TANC2: variants seen among roughly 807,000 people sequenced by gnomAD.
The protein encoded by TANC2 is tetratricopeptide repeat, ankyrin repeat and coiled-coil containing 2, also known as protein TANC2.
Under a neutral mutation model 210.5 loss-of-function variants are expected in TANC2, and 26 were observed. The ratio of observed to expected loss-of-function variants is 0.12; its 90% CI spans 0.09 to 0.17. The LOEUF is 0.17. Among genes scored for constraint, TANC2 ranks in the 10% least tolerant of loss-of-function variants. TANC2 has a pLI of 1.00. For synonymous variants in TANC2, 931 were observed against 967.1 expected (o/e 0.96, Z 0.69); for missense variants, 2,129 against 2,608.9 (o/e 0.82, Z 4.01).
At chr17:63,189,642 G>A (rs2440141) in intron 5 of TANC2, among the ~76,000 whole-genome samples, 90,002 of 151,948 alleles carry the variant, frequency 0.59, 28,935 homozygotes, top group African/African-American at 0.84. Flanking sequence ...AGTTCTTTAT[G>A]TAGTCTGGGT....
At chr17:63,084,254 C>T (rs1202439429) in intron 3 of TANC2, among the ~76,000 whole-genome samples, 1 of 152,054 alleles carries the variant, frequency 6.6e-6, no homozygotes, top group African/African-American at 2.4e-5. Flanking sequence ...TCTAGGTCAT[C>T]AAATTGTGGG....
At chr17:63,202,297 CTA>C (rs1191575032) in intron 7 of TANC2, among the ~76,000 whole-genome samples, 1 of 151,992 alleles carries the variant, frequency 6.6e-6, no homozygotes, top group Non-Finnish European at 1.5e-5. Context: ...TAGTATAAAA[CTA>C]TATATTTATA....
At chr17:63,185,284 G>C (rs1249232821) in intron 5 of TANC2, among the ~76,000 whole-genome samples, 1 of 151,802 alleles carries the variant, frequency 6.6e-6, no homozygotes, top group Non-Finnish European at 1.5e-5. Flanking sequence ...GTAGAGAAAG[G>C]GTTTCACCAT....
At chr17:63,382,710 T>G (rs2047651659) in intron 15 of TANC2, among the ~76,000 whole-genome samples, 1 of 152,238 alleles carries the variant, frequency 6.6e-6, no homozygotes, top group Non-Finnish European at 1.5e-5. Context: ...TAGAGATAAC[T>G]CCTATTCTAA....
At chr17:63,355,626 G>A (rs975509023) in intron 14 of TANC2, among the ~76,000 whole-genome samples, 1 of 152,130 alleles carries the variant, frequency 6.6e-6, no homozygotes, top group East Asian at 1.9e-4. Flanking sequence ...ACGTTCCTGT[G>A]TTCTTCTAAA....
chr17:63,385,465 C>A (rs937815965), intron 15 of TANC2, among the ~76,000 whole-genome samples: 1 of 152,184 alleles, frequency 6.6e-6, no homozygotes, highest in Non-Finnish European at 1.5e-5. Flanking sequence ...ATTTAGAATT[C>A]TTCCTAAAAG....
intron 19 of TANC2, among the ~76,000 whole-genome samples, chr17:63,401,580 C>G (rs921518355): frequency 6.6e-6 from 1 of 152,152 alleles, no homozygotes. Context: ...CTAGAGCATC[C>G]TGGTTGCTTT....
At chr17:63,015,856 C>T (rs1244408532) in intron 2 of TANC2, among the ~76,000 whole-genome samples, 1 of 151,446 alleles carries the variant, frequency 6.6e-6, no homozygotes, top group Non-Finnish European at 1.5e-5. Context: ...TCTTATTTTT[C>T]CTAACTTTAT....
rs148520269 is a variant in TANC2, at chr17:63,301,012, C to T, written c.1160-13376C>T. Among the ~76,000 whole-genome samples the T allele has an allele frequency of 7.3e-4, 111 of 152,086 alleles. 1 individual carries two copies. Among genetic ancestry groups the T allele is most frequent in the Non-Finnish European group, 1.3e-3 (91 of 68,018 alleles). On this transcript the variant is annotated intron_variant, in intron 9 of 27. Transcript: ENST00000689528. ...AGGGATATTGAATTTTATCAAAGAC[C>T]TTTTCTTCATCTGTTGAGATGATCA...
In TANC2 at chr17:63,294,599, G is replaced by A. The variant is rs181113276; in HGVS notation, c.1160-19789G>A. Among the ~76,000 whole-genome samples the A allele has an allele frequency of 2.0e-4, 30 of 152,206 alleles. No individual in the cohort carries two copies. The East Asian group carries it at 5.8e-3, about 29-fold the overall frequency. On this transcript the variant is annotated intron_variant, in intron 9 of 27. Coordinates refer to ENST00000689528, the Ensembl canonical transcript of TANC2. ...GAAAAATTTCCAGATATACAAAATGGAAGAATTTTACAACAAACACTCATA... is the reference window on the plus strand; with the variant it reads ...GAAAAATTTCCAGATATACAAAATGAAAGAATTTTACAACAAACACTCATA...
chr17:62,994,344 G>C (rs931424865), intron 1 of TANC2, among the ~76,000 whole-genome samples: 2 of 138,072 alleles, frequency 1.4e-5, no homozygotes, highest in Non-Finnish European at 3.1e-5. Context: ...ACCACACCTG[G>C]CTCATTTTTT....
chr17:63,411,060 T>G (rs2048688465), intron 21 of TANC2, among the ~76,000 whole-genome samples: 1 of 151,750 alleles, frequency 6.6e-6, no homozygotes, highest in Non-Finnish European at 1.5e-5. Context: ...GAATGAGAAG[T>G]GAGGCAAGTC....
chr17:63,367,319 A>G (rs188006553), intron 14 of TANC2, among the ~76,000 whole-genome samples: 2 of 152,302 alleles, frequency 1.3e-5, no homozygotes, highest in East Asian at 1.9e-4. Flanking sequence ...CCCACGGCCC[A>G]TGGGCCACAT....
rs2046738313 is a variant in TANC2, at chr17:63,354,915, T to A, written c.2107T>A (p.Ser703Thr). ...CAGCTCAGAGATCCAGAATAACATT[T>A]CACTTAATGGCAAAATGGACAATAC... The change falls in exon 14 of 28, where the codon TCA (serine) becomes ACA (threonine). Residue 703 changes from serine (S) to threonine (T), a missense_variant. Ser to Thr is a moderately conservative substitution (Grantham distance 58). Coordinates refer to ENST00000689528, the Ensembl canonical transcript of TANC2. 12 of 1,613,838 alleles carry A rather than the reference T, an allele frequency of 7.4e-6. No individual in the cohort carries two copies. Among genetic ancestry groups the A allele is most frequent in the Non-Finnish European group, 1.0e-5 (12 of 1,179,814 alleles).
chr17:63,342,294 T>A (rs911048471), intron 12 of TANC2, among the ~76,000 whole-genome samples: 7 of 152,272 alleles, frequency 4.6e-5, no homozygotes, highest in Admixed American at 4.6e-4. Flanking sequence ...AGAATTACTT[T>A]TGTACTTATC....
intron 4 of TANC2, among the ~76,000 whole-genome samples, chr17:63,131,119 C>T (rs1195416402): frequency 6.6e-6 from 1 of 152,090 alleles, no homozygotes; most frequent in African/African-American, 2.4e-5. Flanking sequence ...ATAGAGTTTA[C>T]CTAAAAGAAA....
intron 9 of TANC2, among the ~76,000 whole-genome samples, chr17:63,280,599 G>A (rs1019792808): frequency 2.0e-5 from 3 of 152,018 alleles, no homozygotes; most frequent in African/African-American, 7.2e-5. Context: ...TCCTAGCTTA[G>A]TCACTTTTGT....
chr17:63,334,180 C>CTT (rs932316150), intron 11 of TANC2: 4 of 152,090 alleles, frequency 2.6e-5, no homozygotes, highest in Non-Finnish European at 5.9e-5. Flanking sequence ...GTGTCCACAT[C>CTT]TTTTTTCTTA....
At chr17:63,222,769 G>A (rs187937204) in intron 7 of TANC2, among the ~76,000 whole-genome samples, 1 of 151,718 alleles carries the variant, frequency 6.6e-6, no homozygotes, top group Non-Finnish European at 1.5e-5. Flanking sequence ...GCATGACACA[G>A]CTATTTTACT....
Sources: gnomAD v4.1 joint callset for allele counts (sites outside exome capture counted in the v4.1 genomes callset) on GRCh38, gnomAD v4.1.1 for gene constraint, MANE v1.5 for transcripts, NCBI Gene and HGNC (gene_info 2026-07-23, HGNC 2026-07-21) for gene names.